The following BRINP2 variants were observed in gnomAD, a reference collection of about 807,000 sequenced individuals.
The protein encoded by BRINP2 is BMP/retinoic acid inducible neural specific 2.
A neutral mutation model predicts 69.2 loss-of-function variants in BRINP2; 21 were observed. The observed-to-expected ratio is 0.30, with a 90% CI of 0.22 to 0.44. The LOEUF (loss-of-function observed/expected upper bound fraction) is 0.44. Among genes scored for constraint, BRINP2 ranks in the 20% least tolerant of loss-of-function variants. BRINP2 has a pLI of 1.00. For synonymous variants in BRINP2, 380 were observed against 394.1 expected, an observed-to-expected ratio of 0.96 and a Z score of 0.42; for missense variants, 877 against 986.0, an observed-to-expected ratio of 0.89 and a Z score of 1.48.
chr1:177,259,928 C>G (rs1227952509), intron 4 of BRINP2, among the ~76,000 whole-genome samples: 2 of 152,190 alleles, frequency 1.3e-5, no homozygotes, highest in African/African-American at 4.8e-5. Context: ...ACACAGCATC[C>G]ATTCTGTAGC....
At chr1:177,210,933 T>C (rs1649203576) in intron 1 of BRINP2, among the ~76,000 whole-genome samples, 1 of 149,930 alleles carries the variant, frequency 6.7e-6, no homozygotes, top group Non-Finnish European at 1.5e-5. Flanking sequence ...ATTATTAAAA[T>C]TAGGTGCATT....
chr1:177,272,406 T>C (rs1005765681), intron 4 of BRINP2, among the ~76,000 whole-genome samples: 1 of 152,242 alleles, frequency 6.6e-6, no homozygotes, highest in African/African-American at 2.4e-5. Flanking sequence ...ATACATGCAT[T>C]CTCTTGTTTA....
At chr1:177,189,396 G>A (rs1648521905) in intron 1 of BRINP2, among the ~76,000 whole-genome samples, 1 of 78 alleles carries the variant, frequency 0.013, no homozygotes, top group Non-Finnish European at 0.029. Flanking sequence ...GGACAGTCCT[G>A]CCTCTGCCAA....
chr1:177,185,228 A>C (rs1464961620), intron 1 of BRINP2, among the ~76,000 whole-genome samples: 1 of 152,158 alleles, frequency 6.6e-6, no homozygotes, highest in East Asian at 1.9e-4. Flanking sequence ...GGAGGTTCAC[A>C]ATGCACTTAT....
chr1:177,185,999 C>T (rs1371231919), intron 1 of BRINP2, among the ~76,000 whole-genome samples: 1 of 152,210 alleles, frequency 6.6e-6, no homozygotes, highest in African/African-American at 2.4e-5. Flanking sequence ...CTGCCTGAAC[C>T]TCTGAAAGAT....
chr1:177,184,060 A>G (rs1008874630), intron 1 of BRINP2, among the ~76,000 whole-genome samples: 1 of 152,158 alleles, frequency 6.6e-6, no homozygotes, highest in East Asian at 1.9e-4. Context: ...CCAGCTCCTT[A>G]TAGGCCGATG....
intron 1 of BRINP2, among the ~76,000 whole-genome samples, chr1:177,196,010 C>T (rs10913298): frequency 0.15 from 23,487 of 152,054 alleles, 3,425 homozygotes; most frequent in African/African-American, 0.38. Flanking sequence ...TTTGATGACA[C>T]GCTGAATATG....
chr1:177,193,037 G>A (rs1265024487), intron 1 of BRINP2, among the ~76,000 whole-genome samples: 1 of 152,206 alleles, frequency 6.6e-6, no homozygotes, highest in Non-Finnish European at 1.5e-5. Flanking sequence ...CTACCCATGA[G>A]GGGTAGAGGA....
intron 1 of BRINP2, among the ~76,000 whole-genome samples, chr1:177,187,516 G>A (rs1648461980): frequency 6.6e-6 from 1 of 152,180 alleles, no homozygotes; most frequent in Admixed American, 6.5e-5. Context: ...CACATCCTGT[G>A]CACAGGGTCA....
At chr1:177,215,740 C>G (rs567035449) in intron 1 of BRINP2, among the ~76,000 whole-genome samples, 22 of 152,102 alleles carry the variant, frequency 1.4e-4, no homozygotes, top group African/African-American at 5.1e-4. Context: ...ATGAATAGAC[C>G]TGGCAAGAGT....
At chr1:177,207,715 T>C (rs1649106795) in intron 1 of BRINP2, among the ~76,000 whole-genome samples, 1 of 152,188 alleles carries the variant, frequency 6.6e-6, no homozygotes, top group South Asian at 2.1e-4. Flanking sequence ...CCTGGAATAT[T>C]TCTCTGGCTA....
intron 1 of BRINP2, among the ~76,000 whole-genome samples, chr1:177,196,023 A>T (rs535931304): frequency 6.6e-6 from 1 of 152,218 alleles, no homozygotes; most frequent in Non-Finnish European, 1.5e-5. Flanking sequence ...TGAATATGAA[A>T]GTGCTTTGAA....
At chr1:177,200,258 C>T (rs182845582) in intron 1 of BRINP2, among the ~76,000 whole-genome samples, 20 of 126,740 alleles carry the variant, frequency 1.6e-4, no homozygotes, top group African/African-American at 6.0e-4. Flanking sequence ...CGCCCTTGCT[C>T]TCCAGCCTGG....
chr1:177,229,915 G>A lies in BRINP2; in HGVS notation c.39G>A (p.Arg13=). ...GTGGCACTCGGTTTAGAGGGCTTCG[G>A]CCGGCGGTGGCCCCATGGACAGCCC... ...WQCGTRFRGL[R]PAVAPWTALL... Residue 13 remains arginine (R), a synonymous_variant, in exon 2 of 8, where the codon CGG becomes CGA. Coordinates refer to ENST00000361539, the MANE Select transcript of BRINP2 (RefSeq NM_021165.4). The A allele has an allele frequency of 6.2e-7, 1 of 1,607,002 alleles. No individual in the cohort carries two copies. The highest frequency in any genetic ancestry group is 8.5e-7 in the Non-Finnish European group (1 of 1,175,632).
At chr1:177,267,883 T>C (rs890747448) in intron 4 of BRINP2, among the ~76,000 whole-genome samples, 11 of 152,206 alleles carry the variant, frequency 7.2e-5, no homozygotes, top group African/African-American at 2.4e-4. Flanking sequence ...TTTTGAAGAT[T>C]CTCTAAGAAC....
intron 4 of BRINP2, among the ~76,000 whole-genome samples, chr1:177,261,122 G>A (rs191783233): frequency 6.6e-6 from 1 of 152,088 alleles, no homozygotes; most frequent in East Asian, 1.9e-4. Flanking sequence ...TAAAGTGGCA[G>A]GGCAGTGTAC....
intron 1 of BRINP2, among the ~76,000 whole-genome samples, chr1:177,194,704 T>TGGGTG (rs1202062587): frequency 2.6e-5 from 4 of 152,162 alleles, no homozygotes; most frequent in Non-Finnish European, 4.4e-5. Context: ...CGTACATTTA[T>TGGGTG]GGGTGTCTCA....
intron 3 of BRINP2, 142 bp from the exon 4 acceptor site, chr1:177,257,034 G>A: frequency 6.5e-7 from 1 of 1,544,236 alleles, no homozygotes; most frequent in Non-Finnish European, 8.8e-7. Context: ...TCTAAAGATG[G>A]TAAGGGCTGG....
chr1:177,225,313 C>T (rs548883465), intron 1 of BRINP2, among the ~76,000 whole-genome samples: 9 of 152,280 alleles, frequency 5.9e-5, no homozygotes, highest in Admixed American at 1.3e-4. Flanking sequence ...TTTACCTTTA[C>T]GTTTTGTGCA....
Sources: gnomAD v4.1 joint callset for allele counts (sites outside exome capture counted in the v4.1 genomes callset) on GRCh38, gnomAD v4.1.1 for gene constraint, MANE v1.5 for transcripts, NCBI Gene and HGNC (gene_info 2026-07-23, HGNC 2026-07-21) for gene names.